GPATCH8: variants seen among roughly 807,000 people sequenced by gnomAD.
GPATCH8 encodes the protein G-patch domain containing 8, also known as G patch domain-containing protein 8.
A neutral mutation model predicts 118.3 loss-of-function variants in GPATCH8; 18 were observed. The ratio of observed to expected loss-of-function variants is 0.15; its 90% CI spans 0.11 to 0.23. The LOEUF (loss-of-function observed/expected upper bound fraction) is 0.23. Among genes scored for constraint, GPATCH8 ranks in the 10% least tolerant of loss-of-function variants. The pLI, the probability that GPATCH8 is intolerant of heterozygous loss-of-function variation, is 1.00. For synonymous variants in GPATCH8, 659 were observed against 684.7 expected (o/e 0.96, Z 0.59); for missense variants, 1,631 against 1,873.8 (o/e 0.87, Z 2.39).
At chr17:44,500,226 T>A (rs1021089940) in intron 1 of GPATCH8, among the ~76,000 whole-genome samples, 1 of 152,228 alleles carries the variant, frequency 6.6e-6, no homozygotes, top group Non-Finnish European at 1.5e-5. Flanking sequence ...AAAGCCAGTA[T>A]GAATTTAGGC....
intron 6 of GPATCH8, among the ~76,000 whole-genome samples, chr17:44,411,862 G>A (rs983093199): frequency 6.6e-6 from 1 of 152,156 alleles, no homozygotes; most frequent in South Asian, 2.1e-4. Flanking sequence ...GGAGGCTGAG[G>A]TAAAAGGATC....
rs368393520 is a variant in GPATCH8, at chr17:44,470,088, C to A, written c.120+4741G>T. Among the ~76,000 whole-genome samples, 8 of 152,352 alleles carry A rather than the reference C, an allele frequency of 5.3e-5. No homozygotes were observed. In the East Asian group the frequency reaches 1.5e-3, roughly 29 times the overall value. On this transcript the variant is annotated intron_variant, in intron 2 of 7. Coordinates refer to ENST00000591680, the MANE Select transcript of GPATCH8 (RefSeq NM_001002909.4). ...AAGAATTTTAATCAGTCAGGTAGAG[C>A]AAGGACCGACTAGCGGCTGATGGGT...
At chr17:44,492,661 G>A (rs948532130) in intron 1 of GPATCH8, among the ~76,000 whole-genome samples, 1 of 151,972 alleles carries the variant, frequency 6.6e-6, no homozygotes, top group African/African-American at 2.4e-5. Context: ...AAATATCTTC[G>A]AAATGTCTTT....
intron 3 of GPATCH8, among the ~76,000 whole-genome samples, chr17:44,447,161 A>AT (rs555723475): frequency 0.031 from 4,312 of 137,440 alleles, 175 homozygotes; most frequent in African/African-American, 0.1. Context: ...ATAAAAAAAA[A>AT]TTTTTTTTTT....
In GPATCH8 at chr17:44,397,598, G is replaced by A. The variant is rs758734873; in HGVS notation, c.4479C>T (p.Asp1493=). Residue 1493 remains aspartate (D), a synonymous_variant, in exon 8 of 8, where the codon GAC becomes GAT. Coordinates refer to ENST00000591680, the MANE Select transcript of GPATCH8 (RefSeq NM_001002909.4). ...TGCCATGGCTGGGGGGATGTTGCAG[G>A]TCCTGACCTGAGAAGATGGGGTGAA... The part of the protein sequence containing the change: ...PLLHPIFSGQ[D]LQHPPSHGT The A allele has an allele frequency of 3.1e-6, 5 of 1,613,774 alleles. No homozygotes were observed. The South Asian group carries it at 5.5e-5, about 18-fold the overall frequency.
intron 6 of GPATCH8, among the ~76,000 whole-genome samples, chr17:44,415,352 T>C (rs1056822784): frequency 1.3e-5 from 2 of 152,226 alleles, no homozygotes; most frequent in African/African-American, 2.4e-5. Flanking sequence ...GGAAGTGTTT[T>C]AGATATTGGG....
chr17:44,429,662 AC>A, intron 5 of GPATCH8, among the ~76,000 whole-genome samples: 1 of 149,726 alleles, frequency 6.7e-6, no homozygotes, highest in Non-Finnish European at 1.5e-5. Context: ...ACACACACAC[AC>A]ACACACACAC....
At chr17:44,498,004 A>C (rs764947146) in intron 1 of GPATCH8, among the ~76,000 whole-genome samples, 14 of 152,196 alleles carry the variant, frequency 9.2e-5, no homozygotes, top group Non-Finnish European at 1.5e-4. Flanking sequence ...TCATGTACCC[A>C]GATAGACAGA....
intron 1 of GPATCH8, among the ~76,000 whole-genome samples, chr17:44,496,585 T>C (rs1969683433): frequency 6.6e-6 from 1 of 152,188 alleles, no homozygotes; most frequent in Non-Finnish European, 1.5e-5. Context: ...TTATTGTACC[T>C]CAAAACTATC....
chr17:44,500,778 G>C (rs1038272931), intron 1 of GPATCH8, among the ~76,000 whole-genome samples: 4 of 152,214 alleles, frequency 2.6e-5, no homozygotes, highest in Admixed American at 6.5e-5. Flanking sequence ...ACTATGACTT[G>C]TTTTCAAGTA....
intron 3 of GPATCH8, among the ~76,000 whole-genome samples, chr17:44,446,474 A>T (rs562948176): frequency 3.3e-5 from 5 of 152,272 alleles, no homozygotes; most frequent in Admixed American, 2.6e-4. Context: ...CTGACACAGG[A>T]GAATGGTGTG....
intron 6 of GPATCH8, among the ~76,000 whole-genome samples, chr17:44,422,714 G>A (rs1450955722): frequency 2.6e-5 from 4 of 151,016 alleles, no homozygotes; most frequent in African/African-American, 7.3e-5. Context: ...TCCTGACCTC[G>A]TGATCCGCCC....
intron 6 of GPATCH8, among the ~76,000 whole-genome samples, chr17:44,411,850 T>C (rs950625929): frequency 1.3e-5 from 2 of 152,292 alleles, no homozygotes; most frequent in Middle Eastern, 3.4e-3. Context: ...CTCAACACTT[T>C]GGGAGGCTGA....
chr17:44,419,659 A>G (rs9897984), intron 6 of GPATCH8, among the ~76,000 whole-genome samples: 74,101 of 147,138 alleles, frequency 0.5, 19,794 homozygotes, highest in Middle Eastern at 0.62. Flanking sequence ...CATCAGGGTA[A>G]TTTTTTTTTT....
chr17:44,440,993 G>C (rs889141016), intron 3 of GPATCH8, among the ~76,000 whole-genome samples: 1 of 152,046 alleles, frequency 6.6e-6, no homozygotes, highest in Non-Finnish European at 1.5e-5. Context: ...CGGGACTACA[G>C]GTGCACCACT....
chr17:44,442,705 T>C (rs1173557560), intron 3 of GPATCH8, among the ~76,000 whole-genome samples: 3 of 152,226 alleles, frequency 2.0e-5, no homozygotes, highest in African/African-American at 7.2e-5. Flanking sequence ...GCTTGAGTGA[T>C]CTGCTCACCT....
At chr17:44,457,551 T>C (rs769041576) in intron 3 of GPATCH8, among the ~76,000 whole-genome samples, 22 of 152,202 alleles carry the variant, frequency 1.4e-4, no homozygotes, top group African/African-American at 2.4e-4. Flanking sequence ...TGTTATTACA[T>C]AGGAAGCAAC....
intron 6 of GPATCH8, among the ~76,000 whole-genome samples, chr17:44,410,237 C>G (rs2049381334): frequency 6.6e-6 from 1 of 152,208 alleles, no homozygotes; most frequent in African/African-American, 2.4e-5. Context: ...ACGTGAAATT[C>G]TGTGAATTGT....
At chr17:44,436,644 G>A (rs2050524478) in intron 3 of GPATCH8, 99 bp from the exon 4 acceptor site, 4 of 761,574 alleles carry the variant, frequency 5.3e-6, no homozygotes, top group Admixed American at 3.6e-5. Context: ...GCCTTGGAGT[G>A]CAGAGACCAG....
Sources: allele counts gnomAD v4.1 joint callset (sites outside exome capture counted in the v4.1 genomes callset), GRCh38; gene constraint gnomAD v4.1.1; transcripts MANE v1.5; gene names NCBI Gene and HGNC (gene_info 2026-07-23, HGNC 2026-07-21).